The following KCNC3 variants were observed in gnomAD, a reference collection of about 807,000 sequenced individuals.
The protein encoded by KCNC3 is potassium voltage-gated channel subfamily C member 3, also known as voltage-gated potassium channel KCNC3.
KCNC3 carries 22 observed loss-of-function variants against 43.9 expected under a neutral mutation model. That is an observed-to-expected ratio of 0.50 (90% CI 0.36 to 0.72). The LOEUF (loss-of-function observed/expected upper bound fraction) is 0.72, where lower values mean the gene tolerates loss of function less well. KCNC3 is among the 30% of genes least tolerant of loss of function. The pLI, the probability that KCNC3 is intolerant of heterozygous loss-of-function variation, is 0.00. For missense variants in KCNC3, 829 were observed against 1,073.8 expected (o/e 0.77, Z 3.19); for synonymous variants, 492 against 488.0 (o/e 1.01, Z -0.11).
upstream of KCNC3, among the ~76,000 whole-genome samples, chr19:50,331,787 A>G (rs1373237803): frequency 6.7e-6 from 1 of 149,430 alleles, no homozygotes; most frequent in Admixed American, 6.6e-5. Flanking sequence ...CCTATGTTTC[A>G]CCTTCTTCTG....
chr19:50,320,304 C>A lies in KCNC3; in HGVS notation c.2216G>T (p.Gly739Val). The A allele has an allele frequency of 2.1e-6, 2 of 946,198 alleles. No individual in the cohort carries two copies. The highest frequency in any genetic ancestry group is 1.4e-6 in the Non-Finnish European group (1 of 695,752). 58.6% of individuals were successfully genotyped at this position (946,198 alleles called of 1,614,324 possible). ...PLPPQDWRKP[G>V]PPSFLPDLNA... is the part of the protein sequence containing the mutation. ...GAGGTCGGGCAAGAAGCTTGGGGGG[C>A]CTGGCTTACGCCAGTCTTGGGGGGG... Residue 739 changes from glycine to valine, a missense_variant, in exon 4 of 5, where the codon GGC (glycine) becomes GTC (valine). Transcript: ENST00000477616.
rs1047320973 is a variant in KCNC3 at position 50,323,158 on chromosome 19, G to A, written c.1795C>T (p.Pro599Ser). 1 of 1,533,200 alleles carries A rather than the reference G, an allele frequency of 6.5e-7. No individual in the cohort carries two copies. 95.0% of individuals were successfully genotyped at this position (1,533,200 alleles called of 1,614,324 possible). The change falls in exon 2 of 5, where the codon CCC becomes TCC. Residue 599 changes from proline to serine, a missense_variant. Transcript: ENST00000477616. ...ACCCCCATGGAGGGTGGGGTGATGG[G>A]TGGCGGCGGGCTGATGCCCCCGCTG... The part of the protein sequence containing the change: ...HGSGGISPPP[P>S]ITPPSMGVTV...
intron 2 of KCNC3, among the ~76,000 whole-genome samples, chr19:50,321,783 A>T (rs1025146871): frequency 6.6e-6 from 1 of 151,820 alleles, no homozygotes; most frequent in African/African-American, 2.4e-5. Context: ...ATAAGAAAAA[A>T]AAAAGAGAGA....
In KCNC3 at chr19:50,324,719, AAC is replaced by A. The variant is rs146201154; in HGVS notation, c.871-639_871-638del. Among the ~76,000 whole-genome samples, 38 of 152,286 alleles carry A rather than the reference AAC, an allele frequency of 2.5e-4. No homozygotes were observed. The East Asian group carries it at 6.8e-3, about 27-fold the overall frequency. ...TGAGCGTACGAAGGACTTGGCTCCA[AAC>A]ACAGTGCTTGGAGCAGTGCCTGGAA... is the stretch of plus-strand genomic sequence containing the variant. On this transcript the variant is annotated intron_variant, in intron 1 of 4. Transcript: ENST00000477616. This position sits in a 1 kb window ranked among gnomAD's most constrained non-coding sequence, Gnocchi z 4.1.
Position 50,315,064 on chromosome 19 carries a change from G to A in KCNC3, c.*1051C>T. On this transcript the variant is annotated 3_prime_UTR_variant, in exon 5 of 5. Transcript: ENST00000477616. ...GGTGCAGGGAAGGGTCAGACAGAGA[G>A]ACCCAAGGCAGGGAGAAAGAGACAG... 3 of 200,182 alleles carry A rather than the reference G, an allele frequency of 1.5e-5. No homozygotes were observed. The South Asian group carries it at 1.9e-4, about 13-fold the overall frequency. 12.4% of individuals were successfully genotyped at this position (200,182 alleles called of 1,614,324 possible). A position where few individuals can be genotyped will look rare whatever the true frequency, so the allele number is the denominator to read the frequency against.
At chr19:50,326,907 C>A (rs773788836) in intron 1 of KCNC3, among the ~76,000 whole-genome samples, 79 of 78,096 alleles carry the variant, frequency 1.0e-3, no homozygotes, top group Non-Finnish European at 1.8e-3. Flanking sequence ...GGGCTAGGTT[C>A]TGGGTTTTGC....
Position 50,320,294 on chromosome 19 carries a change from G to T in KCNC3, c.2226C>A (p.Ser742Arg). The T allele has an allele frequency of 1.0e-6, 1 of 991,852 alleles. No individual in the cohort carries two copies. Among genetic ancestry groups the T allele is most frequent in the Admixed American group, 3.6e-5 (1 of 28,052 alleles). The allele number at this position is 991,852 out of a possible 1,614,324, so 61.4% of individuals were successfully genotyped here. ...PQDWRKPGPP[S>R]FLPDLNANAA... ...CGTTGGCGTTGAGGTCGGGCAAGAA[G>T]CTTGGGGGGCCTGGCTTACGCCAGT... is the stretch of plus-strand genomic sequence containing the variant. Residue 742 changes from serine to arginine, a missense_variant, in exon 4 of 5, where the codon AGC (serine) becomes AGA (arginine). Around this residue, in one of 7 missense-constraint regions of KCNC3, gnomAD observed 308 missense variants for 276.2 expected, o/e 1.11. Coordinates refer to ENST00000477616, the MANE Select transcript of KCNC3 (RefSeq NM_004977.3).
rs571327522 is a variant in KCNC3 at position 50,323,921 on chromosome 19, C to T, written c.1032G>A (p.Thr344=). 49 of 1,614,060 alleles carry T rather than the reference C, an allele frequency of 3.0e-5. No individual in the cohort carries two copies. The highest frequency in any genetic ancestry group is 7.7e-5 in the South Asian group (7 of 91,092). Residue 344 remains threonine (T), a synonymous_variant, in exon 2 of 5, where the codon ACG becomes ACA. Coordinates refer to ENST00000477616, the MANE Select transcript of KCNC3 (RefSeq NM_004977.3). ...CCTCCACGTAGGTCAGGAAGGGCTC[C>T]GTCTCCACCTCCACGTTGGTGATGT... is the stretch of plus-strand genomic sequence containing the variant. ...PENITNVEVE[T]EPFLTYVEGV... is the part of the protein sequence containing the mutation.
At position 50,313,612 on chromosome 19, in the gene KCNC3, G is replaced by C. The variant is rs890000553; in HGVS notation, c.*2503C>G. On this transcript the variant is annotated 3_prime_UTR_variant, in exon 5 of 5. Transcript: ENST00000477616. ...TGCTTGGGGAGGGTCTGGTTCCCTG[G>C]AATTGCAGACAGGTTGCGCCTATCT... The C allele has an allele frequency of 6.6e-6, 1 of 152,170 alleles. No individual in the cohort carries two copies. The highest frequency in any genetic ancestry group is 2.4e-5 in the African/African-American group (1 of 41,410). The allele number at this position is 152,170 out of a possible 1,614,324, so 9.4% of individuals were successfully genotyped here.
At chr19:50,322,788 T>C (rs1270341419) in intron 2 of KCNC3, among the ~76,000 whole-genome samples, 187 bp downstream of exon 2, 1 of 152,186 alleles carries the variant, frequency 6.6e-6, no homozygotes, top group Non-Finnish European at 1.5e-5. Context: ...CAAAACTCTT[T>C]CCCATGAAAC....
intron 1 of KCNC3, among the ~76,000 whole-genome samples, chr19:50,326,747 C>T (rs1252064737): frequency 6.6e-6 from 1 of 151,844 alleles, no homozygotes; most frequent in Non-Finnish European, 1.5e-5. Flanking sequence ...AGGAGAGAAC[C>T]CAGGGGGAGG....
At position 50,322,983 on chromosome 19, in the gene KCNC3, T is replaced by C. The variant is rs924795851; in HGVS notation, c.1970A>G (p.Asn657Ser). The C allele has an allele frequency of 1.9e-6, 3 of 1,550,480 alleles. No homozygotes were observed. Among genetic ancestry groups the C allele is most frequent in the South Asian group, 1.2e-5 (1 of 84,030 alleles). Residue 657 changes from asparagine to serine, a missense_variant, in exon 2 of 5, where the codon AAC (asparagine) becomes AGC (serine). Around this residue, in one of 7 missense-constraint regions of KCNC3, gnomAD observed 308 missense variants for 276.2 expected, o/e 1.11. Coordinates refer to ENST00000477616, the MANE Select transcript of KCNC3 (RefSeq NM_004977.3). Reference protein sequence around the residue: ...PLAQEEVIEINRADPRPNGDP... With the variant: ...PLAQEEVIEISRADPRPNGDP... ...CTGACGCCCAGGCTCACCTGCCCGG[T>C]TGATCTCAATCACCTCCTCCTGAGC...
chr19:50,321,556 G>A (rs1025081143), intron 2 of KCNC3, among the ~76,000 whole-genome samples: 2 of 152,122 alleles, frequency 1.3e-5, no homozygotes, highest in African/African-American at 4.8e-5. Context: ...GATCACTTAA[G>A]GTCAGGAGTT....
Position 50,328,843 on chromosome 19 carries a change from G to T in KCNC3, c.240C>A (p.His80Gln). 1 of 1,467,518 alleles carries T rather than the reference G, an allele frequency of 6.8e-7. No homozygotes were observed. Among genetic ancestry groups the T allele is most frequent in the East Asian group, 2.9e-5 (1 of 34,352 alleles). The allele number at this position is 1,467,518 out of a possible 1,614,324, so 90.9% of individuals were successfully genotyped here. The part of the protein sequence containing the change: ...PGLPAAAMGR[H>Q]GGGGGDSGKI... ...TGCCGCTGTCGCCACCGCCGCCGCCGTGCCGCCCCATGGCCGCCGCCGGCA... is the reference window on the plus strand; with the variant it reads ...TGCCGCTGTCGCCACCGCCGCCGCCTTGCCGCCCCATGGCCGCCGCCGGCA... The change falls in exon 1 of 5, where the codon CAC (histidine) becomes CAA (glutamine). Residue 80 changes from histidine (H) to glutamine (Q), a missense_variant. Around this residue, in one of 7 missense-constraint regions of KCNC3, gnomAD observed 121 missense variants for 247.4 expected, o/e 0.49. Transcript: ENST00000477616.
Position 50,328,298 on chromosome 19 carries a change from C to A in KCNC3, c.785G>T (p.Gly262Val). Residue 262 changes from glycine to valine, a missense_variant, in exon 1 of 5, where the codon GGC (glycine) becomes GTC (valine). Physicochemically the swap from Gly to Val is moderately radical, Grantham distance 109. Transcript: ENST00000477616. ...GGAGGPPGGA[G>V]GAGGTWWRRW... is the part of the protein sequence containing the mutation. ...GCGCCACCATGTGCCGCCCGCGCCGCCCGCGCCCCCTGGCGGCCCCCCGGC... is the reference window on the plus strand; with the variant it reads ...GCGCCACCATGTGCCGCCCGCGCCGACCGCGCCCCCTGGCGGCCCCCCGGC... 1.7e-6 allele frequency: 2 copies of A among 1,159,108 alleles called. No individual in the cohort carries two copies. The highest frequency in any genetic ancestry group is 2.1e-6 in the Non-Finnish European group (2 of 945,038). The allele number at this position is 1,159,108 out of a possible 1,614,324, so 71.8% of individuals were successfully genotyped here. A position where few individuals can be genotyped will look rare whatever the true frequency, so the allele number is the denominator to read the frequency against.
chr19:50,320,583 G>T lies in KCNC3; in HGVS notation c.2170+10C>A. 1 of 1,609,370 alleles carries T rather than the reference G, an allele frequency of 6.2e-7. No individual in the cohort carries two copies. The highest frequency in any genetic ancestry group is 8.5e-7 in the Non-Finnish European group (1 of 1,178,586). On this transcript the variant is annotated intron_variant, in intron 3 of 4. Transcript: ENST00000477616. Reference sequence around the variant, plus strand: ...AGGGTCCCAGGGGATCAGTAGGGGGGGCACCTCACCTTTTCGGATGGAGCC... The same window carrying T: ...AGGGTCCCAGGGGATCAGTAGGGGGTGCACCTCACCTTTTCGGATGGAGCC...
chr19:50,328,600 G>T lies in KCNC3; in HGVS notation c.483C>A (p.Asp161Glu). 4 of 1,611,354 alleles carry T rather than the reference G, an allele frequency of 2.5e-6. No individual in the cohort carries two copies. Among genetic ancestry groups the T allele is most frequent in the South Asian group, 1.1e-5 (1 of 91,020 alleles). Residue 161 changes from aspartate (D) to glutamate (E), a missense_variant, in exon 1 of 5, where the codon GAC (aspartate) becomes GAA (glutamate). Asp to Glu is a conservative substitution (Grantham distance 45, BLOSUM62 2). Coordinates refer to ENST00000477616, the MANE Select transcript of KCNC3 (RefSeq NM_004977.3). ...YRTGKLHCPA[D>E]VCGPLFEEEL... ...CCTCCTCAAACAGGGGCCCGCACAC[G>T]TCGGCTGGGCAGTGCAGCTTGCCGG...
chr19:50,331,450 T>C (rs2037188083), upstream of KCNC3, among the ~76,000 whole-genome samples: 2 of 151,322 alleles, frequency 1.3e-5, no homozygotes, highest in South Asian at 4.2e-4. Context: ...TTCATCTGAG[T>C]CTGTCTCCTC....
chr19:50,322,747 C>T lies in KCNC3; in HGVS notation c.1978+228G>A, dbSNP rs148098154. 5.6e-3 allele frequency among the ~76,000 whole-genome samples: 856 copies of T among 152,270 alleles called. 12 individuals carry two copies. The highest frequency in any genetic ancestry group is 0.02 in the African/African-American group (818 of 41,550). ...TGACACTGCCTCTGCCTCGCCAGCC[C>T]CTCTGAATATCTTGCAAATCTGTTT... On this transcript the variant is annotated intron_variant, in intron 2 of 4. Coordinates refer to ENST00000477616, the MANE Select transcript of KCNC3 (RefSeq NM_004977.3).
Sources: allele counts gnomAD v4.1 joint callset (sites outside exome capture counted in the v4.1 genomes callset), GRCh38; gene constraint gnomAD v4.1.1; regional missense constraint gnomAD v4.1.1; non-coding constraint Gnocchi (gnomAD v3.1); transcripts MANE v1.5; gene names NCBI Gene and HGNC (gene_info 2026-07-23, HGNC 2026-07-21).